C1QTNF3: variants seen among roughly 807,000 people sequenced by gnomAD.
C1QTNF3 encodes C1q and TNF related 3, also known as complement C1q tumor necrosis factor-related protein 3.
C1QTNF3 carries 26 observed loss-of-function variants against 32.6 expected under a neutral mutation model. The observed-to-expected ratio is 0.80, with a 90% confidence interval of 0.58 to 1.11. The LOEUF is 1.11. C1QTNF3 is among the 50% of genes least tolerant of loss of function. The pLI is 0.00. For missense variants in C1QTNF3, 362 were observed against 398.2 expected, an observed-to-expected ratio of 0.91 and a Z score of 0.77; for synonymous variants, 155 against 146.0, an observed-to-expected ratio of 1.06 and a Z score of -0.44.
chr5:34,178,260 G>A, the C1QTNF3 span, among the ~76,000 whole-genome samples: 1 of 152,160 alleles, frequency 6.6e-6, no homozygotes, highest in Non-Finnish European at 1.5e-5. Flanking sequence ...CAGCCTGGGT[G>A]ACAACTGAAA....
chr5:34,031,918 G>A (rs1367665164), intron 3 of C1QTNF3, among the ~76,000 whole-genome samples: 1 of 152,046 alleles, frequency 6.6e-6, no homozygotes, highest in Non-Finnish European at 1.5e-5. Context: ...AGAAACCAAG[G>A]CCCAGAAAAA....
chr5:34,112,536 G>A, the C1QTNF3 span, among the ~76,000 whole-genome samples: 14 of 151,228 alleles, frequency 9.3e-5, no homozygotes, highest in Admixed American at 9.2e-4. Flanking sequence ...CTGGTGGTAT[G>A]TACATGACTG....
the C1QTNF3 span, among the ~76,000 whole-genome samples, chr5:34,133,907 A>G: frequency 0.013 from 1,990 of 152,348 alleles, 50 homozygotes; most frequent in African/African-American, 0.046. Flanking sequence ...ATGTGTTTTC[A>G]GTAATTAAGG....
At chr5:34,164,227 A>G in the C1QTNF3 span, among the ~76,000 whole-genome samples, 5 of 152,154 alleles carry the variant, frequency 3.3e-5, no homozygotes, top group Non-Finnish European at 5.9e-5. Flanking sequence ...TAATCAGCAC[A>G]ATGCCTGAGA....
chr5:34,171,097 C>A, the C1QTNF3 span, among the ~76,000 whole-genome samples: 2 of 151,894 alleles, frequency 1.3e-5, no homozygotes, highest in Non-Finnish European at 2.9e-5. Context: ...AATCTGCCAA[C>A]CTTATTCTCA....
Position 34,043,014 on chromosome 5 carries a change from C to G in C1QTNF3, c.112G>C (p.Ala38Pro), listed in dbSNP as rs567065604. The G allele has an allele frequency of 6.2e-7, 1 of 1,614,178 alleles. No individual in the cohort carries two copies. The highest frequency in any genetic ancestry group is 1.7e-5 in the Admixed American group (1 of 60,024). The stretch of plus-strand genomic sequence containing the variant: ...TGCTGGTGGCTTTGCACTATTCTTG[C>G]CACCACTTTATTAGTTCTTCCGCTC... ...EVSGRTNKVVARIVQSHQQTG... is the reference protein window; with the variant it reads ...EVSGRTNKVVPRIVQSHQQTG... The change falls in exon 1 of 6, where the codon GCA (alanine) becomes CCA (proline). Residue 38 changes from alanine (A) to proline (P), a missense_variant. By Grantham distance (27) the Ala-to-Pro change is conservative. Transcript: ENST00000382065.
the C1QTNF3 span, among the ~76,000 whole-genome samples, chr5:34,227,745 C>T: frequency 6.6e-6 from 1 of 151,790 alleles, no homozygotes; most frequent in African/African-American, 2.4e-5. Flanking sequence ...ACAATGAGGA[C>T]AAATTGACCA....
At chr5:34,221,300 G>A in the C1QTNF3 span, among the ~76,000 whole-genome samples, 1 of 151,970 alleles carries the variant, frequency 6.6e-6, no homozygotes, top group African/African-American at 2.4e-5. Context: ...ATTGGTTTGT[G>A]AACCAAATCT....
chr5:34,155,403 A>G, the C1QTNF3 span, among the ~76,000 whole-genome samples: 3 of 152,220 alleles, frequency 2.0e-5, no homozygotes, highest in African/African-American at 7.2e-5. Context: ...TTTGACCTTC[A>G]TATCAGCTCT....
the C1QTNF3 span, among the ~76,000 whole-genome samples, chr5:34,116,290 T>TA: frequency 1.5e-3 from 229 of 152,264 alleles, 1 homozygote; most frequent in African/African-American, 5.2e-3. Flanking sequence ...ACGTGCACTT[T>TA]AAAAAAGTAT....
At chr5:34,091,329 A>T in the C1QTNF3 span, among the ~76,000 whole-genome samples, 43 of 152,400 alleles carry the variant, frequency 2.8e-4, no homozygotes, top group African/African-American at 9.1e-4. Flanking sequence ...CCTACACAAC[A>T]TTCTTCGCCT....
chr5:34,067,174 T>C, the C1QTNF3 span, among the ~76,000 whole-genome samples: 752 of 152,310 alleles, frequency 4.9e-3, 11 homozygotes, highest in African/African-American at 0.017. Flanking sequence ...TGTAAGCAGT[T>C]TGGGGCAAAG....
chr5:34,025,056 C>T (rs931970893), intron 4 of C1QTNF3, among the ~76,000 whole-genome samples: 5 of 152,226 alleles, frequency 3.3e-5, no homozygotes, highest in Admixed American at 2.0e-4. Flanking sequence ...TCAAATTAAA[C>T]AAAGAAGTAT....
At chr5:34,215,791 T>G in the C1QTNF3 span, among the ~76,000 whole-genome samples, 1 of 152,152 alleles carries the variant, frequency 6.6e-6, no homozygotes, top group Non-Finnish European at 1.5e-5. Flanking sequence ...TGCCACCACA[T>G]AAGGCTAACT....
chr5:34,212,536 A>G, the C1QTNF3 span, among the ~76,000 whole-genome samples: 127 of 152,178 alleles, frequency 8.3e-4, 1 homozygote, highest in African/African-American at 2.8e-3. Context: ...AGAATCTACA[A>G]TGAACTCAAA....
the C1QTNF3 span, among the ~76,000 whole-genome samples, chr5:34,081,300 TCTA>T: frequency 2.0e-5 from 3 of 151,732 alleles, no homozygotes; most frequent in African/African-American, 7.3e-5. Flanking sequence ...CTAGTGTGAT[TCTA>T]TTATAATAAT....
chr5:34,052,396 CTTTAT>C, the C1QTNF3 span, among the ~76,000 whole-genome samples: 3 of 152,150 alleles, frequency 2.0e-5, no homozygotes, highest in Non-Finnish European at 4.4e-5. Flanking sequence ...ATAACGAGAT[CTTTAT>C]TTTCTTACTA....
At chr5:34,099,512 C>T in the C1QTNF3 span, among the ~76,000 whole-genome samples, 1 of 151,496 alleles carries the variant, frequency 6.6e-6, no homozygotes, top group African/African-American at 2.4e-5. Flanking sequence ...AATATAGAGA[C>T]TTTATTTGGG....
At chr5:34,194,689 G>C in the C1QTNF3 span, among the ~76,000 whole-genome samples, 134,551 of 150,742 alleles carry the variant, frequency 0.89, 59,329 homozygotes, top group Non-Finnish European at 0.97. Flanking sequence ...TCCCCCATTA[G>C]AATGAAAGTT....
Sources: gnomAD v4.1 joint callset for allele counts (sites outside exome capture counted in the v4.1 genomes callset) on GRCh38, gnomAD v4.1.1 for gene constraint, MANE v1.5 for transcripts, NCBI Gene and HGNC (gene_info 2026-07-23, HGNC 2026-07-21) for gene names.